The following ZBBX variants were observed in gnomAD, a reference collection of about 807,000 sequenced individuals.
ZBBX encodes zinc finger B-box domain containing, also known as zinc finger B-box domain-containing protein 1.
A neutral mutation model predicts 108.5 loss-of-function variants in ZBBX; 101 were observed. The observed-to-expected ratio is 0.93, with a 90% CI of 0.79 to 1.10. The LOEUF (loss-of-function observed/expected upper bound fraction) is 1.10. Ranked by LOEUF, ZBBX falls within the 50% of genes least tolerant of loss-of-function variation. ZBBX has a pLI of 0.00. For synonymous variants in ZBBX, 356 were observed against 323.4 expected (o/e 1.10, Z -1.08); for missense variants, 1,009 against 941.4 (o/e 1.07, Z -0.94).
chr3:167,179,312 G>A, the ZBBX span, among the ~76,000 whole-genome samples: 1 of 152,234 alleles, frequency 6.6e-6, no homozygotes, highest in African/African-American at 2.4e-5. Flanking sequence ...CTGGATAATA[G>A]CTTCAGCTTC....
intron 20 of ZBBX, among the ~76,000 whole-genome samples, chr3:167,264,358 T>G (rs1725116307): frequency 6.6e-6 from 1 of 152,202 alleles, no homozygotes; most frequent in Non-Finnish European, 1.5e-5. Context: ...GCTTTTTATT[T>G]TTTTATATCT....
chr3:167,231,260 T>C, the ZBBX span, among the ~76,000 whole-genome samples: 1 of 151,762 alleles, frequency 6.6e-6, no homozygotes, highest in Admixed American at 6.6e-5. Context: ...GGACAAAGAC[T>C]CTTCCCTAAG....
At chr3:167,257,957 T>C (rs1723815187) in intron 20 of ZBBX, among the ~76,000 whole-genome samples, 1 of 152,188 alleles carries the variant, frequency 6.6e-6, no homozygotes, top group Non-Finnish European at 1.5e-5. Flanking sequence ...GGATATCTGT[T>C]TGCTCTTCTG....
chr3:167,252,345 A>C lies in ZBBX; in HGVS notation c.2255-9702T>G, dbSNP rs1576779950. Reference sequence around the variant, plus strand: ...GTATGTCTGAGAGCAAACCTCATGAAGTTTTTCCAGACTGCACCCTGAGTA... The same window carrying C: ...GTATGTCTGAGAGCAAACCTCATGACGTTTTTCCAGACTGCACCCTGAGTA... On this transcript the variant is annotated intron_variant, in intron 20 of 21. Coordinates refer to ENST00000675490, the MANE Select transcript of ZBBX (RefSeq NM_001199201.2). 1.1e-5 allele frequency: 5 copies of C among 462,238 alleles called. No individual in the cohort carries two copies. In the East Asian group the frequency reaches 3.6e-4, roughly 34 times the overall value. 28.6% of individuals were successfully genotyped at this position (462,238 alleles called of 1,614,324 possible). A position where few individuals can be genotyped will look rare whatever the true frequency, so the allele number is the denominator to read the frequency against.
chr3:167,277,879 C>T (rs566978811), intron 20 of ZBBX, among the ~76,000 whole-genome samples: 62 of 152,020 alleles, frequency 4.1e-4, no homozygotes, highest in Admixed American at 2.5e-3. Context: ...TGTAAAAGAA[C>T]AGAAATTATA....
intron 1 of ZBBX, among the ~76,000 whole-genome samples, chr3:167,394,663 A>G (rs1466764873): frequency 6.6e-6 from 1 of 151,952 alleles, no homozygotes; most frequent in African/African-American, 2.4e-5. Context: ...ATGTTGATTC[A>G]TTCTAATAGA....
At chr3:167,355,141 T>C (rs1041610077) in intron 8 of ZBBX, among the ~76,000 whole-genome samples, 6 of 151,982 alleles carry the variant, frequency 3.9e-5, no homozygotes, top group Admixed American at 3.9e-4. Context: ...CATTTGAGTT[T>C]AATTAAATTA....
chr3:167,391,682 A>G (rs1436806164), intron 1 of ZBBX, among the ~76,000 whole-genome samples: 5 of 151,768 alleles, frequency 3.3e-5, no homozygotes, highest in African/African-American at 4.8e-5. Flanking sequence ...AATTATTACC[A>G]TTGGTCTGTA....
intron 20 of ZBBX, among the ~76,000 whole-genome samples, chr3:167,257,092 A>G (rs1723658645): frequency 6.6e-6 from 1 of 152,204 alleles, no homozygotes; most frequent in Admixed American, 6.5e-5. Context: ...TCCCACCAAC[A>G]GTGTACAAGG....
At position 167,341,625 on chromosome 3, in the gene ZBBX, C is replaced by G. The variant is rs180950583; in HGVS notation, c.529-7640G>C. Among the ~76,000 whole-genome samples, 94 of 151,992 alleles carry G rather than the reference C, an allele frequency of 6.2e-4. 2 individuals are homozygous for G. Among genetic ancestry groups the G allele is most frequent in the Admixed American group, 5.4e-3 (83 of 15,242 alleles). On this transcript the variant is annotated intron_variant, in intron 9 of 21. Coordinates refer to ENST00000675490, the MANE Select transcript of ZBBX (RefSeq NM_001199201.2). ...AAAACAAAATAACATAAGAAACTCA[C>G]ACCTGTAATTTTGCTTTCTATTTGC...
intron 20 of ZBBX, among the ~76,000 whole-genome samples, chr3:167,249,394 G>A (rs953463473): frequency 6.6e-6 from 1 of 152,098 alleles, no homozygotes; most frequent in East Asian, 1.9e-4. Flanking sequence ...CTAAAAATAT[G>A]AGTCCCAGGG....
At chr3:167,237,676 T>C (rs982736481), downstream of ZBBX, among the ~76,000 whole-genome samples, 3 of 151,886 alleles carry the variant, frequency 2.0e-5, no homozygotes, top group African/African-American at 4.8e-5. Flanking sequence ...TGAGTGGTTA[T>C]TGGAAGCAAA....
At chr3:167,319,984 A>G (rs1173959763) in intron 12 of ZBBX, among the ~76,000 whole-genome samples, 2 of 151,590 alleles carry the variant, frequency 1.3e-5, no homozygotes, top group Non-Finnish European at 2.9e-5. Context: ...AAAAAAATTT[A>G]TATGTGTGTA....
chr3:167,238,342 C>T (rs941158266), downstream of ZBBX, among the ~76,000 whole-genome samples: 4 of 151,924 alleles, frequency 2.6e-5, no homozygotes, highest in Admixed American at 1.3e-4. Context: ...GAGTCATACT[C>T]TTTTAAAAAT....
chr3:167,307,121 A>G (rs1312156400), intron 16 of ZBBX, among the ~76,000 whole-genome samples: 1 of 152,140 alleles, frequency 6.6e-6, no homozygotes, highest in Non-Finnish European at 1.5e-5. Flanking sequence ...GTATTGAAGG[A>G]ATATATCTCA....
intron 6 of ZBBX, among the ~76,000 whole-genome samples, chr3:167,361,260 CA>C (rs945780836): frequency 1.5e-4 from 22 of 150,956 alleles, no homozygotes; most frequent in African/African-American, 4.4e-4. Flanking sequence ...AAATATTAGC[CA>C]AAAAAAATGA....
At chr3:167,351,010 A>G (rs1221750601) in intron 8 of ZBBX, among the ~76,000 whole-genome samples, 3 of 151,776 alleles carry the variant, frequency 2.0e-5, no homozygotes, top group Admixed American at 6.6e-5. Flanking sequence ...ATCCCTATAC[A>G]CTTCCCTGGA....
At chr3:167,335,213 C>A (rs573970386) in intron 9 of ZBBX, among the ~76,000 whole-genome samples, 5 of 151,992 alleles carry the variant, frequency 3.3e-5, no homozygotes, top group African/African-American at 1.2e-4. Flanking sequence ...TTTATGGCTA[C>A]TACAGTTTCT....
chr3:167,271,842 C>A (rs1180901567), intron 20 of ZBBX, among the ~76,000 whole-genome samples: 1 of 152,178 alleles, frequency 6.6e-6, no homozygotes, highest in Admixed American at 6.5e-5. Context: ...TCACCTCACT[C>A]ACTGGATCGA....
Sources: gnomAD v4.1 joint callset for allele counts (sites outside exome capture counted in the v4.1 genomes callset) on GRCh38, gnomAD v4.1.1 for gene constraint, MANE v1.5 for transcripts, NCBI Gene and HGNC (gene_info 2026-07-23, HGNC 2026-07-21) for gene names.